The following BAZ1B variants were observed in gnomAD, a reference collection of about 807,000 sequenced individuals.
BAZ1B encodes the protein tyrosine-protein kinase BAZ1B.
Under a neutral mutation model 153.8 loss-of-function variants are expected in BAZ1B, and 22 were observed. The observed-to-expected ratio is 0.14, with a 90% CI of 0.10 to 0.20. The LOEUF (loss-of-function observed/expected upper bound fraction) is 0.20, where lower values mean the gene tolerates loss of function less well. Ranked by LOEUF, BAZ1B falls within the 10% of genes least tolerant of loss-of-function variation. BAZ1B has a pLI of 1.00. For missense variants in BAZ1B, 1,325 were observed against 1,799.3 expected (o/e 0.74, Z 4.77); for synonymous variants, 676 against 633.4 (o/e 1.07, Z -1.01).
At chr7:73,488,691 G>A (rs1554574851) in intron 6 of BAZ1B, among the ~76,000 whole-genome samples, 1 of 150,282 alleles carries the variant, frequency 6.7e-6, no homozygotes, top group Non-Finnish European at 1.5e-5. Context: ...CTCCAGCCTG[G>A]GTGACAGAGC....
intron 7 of BAZ1B, among the ~76,000 whole-genome samples, chr7:73,471,451 G>T (rs1197614865): frequency 1.3e-5 from 2 of 152,086 alleles, no homozygotes; most frequent in African/African-American, 4.8e-5. Flanking sequence ...TTCCATAATT[G>T]TCACAAACCT....
At chr7:73,471,760 C>A (rs1788812084) in intron 7 of BAZ1B, among the ~76,000 whole-genome samples, 1 of 151,928 alleles carries the variant, frequency 6.6e-6, no homozygotes, top group Non-Finnish European at 1.5e-5. Flanking sequence ...AGATAAATTC[C>A]ATTTATTTAA....
intron 2 of BAZ1B, among the ~76,000 whole-genome samples, chr7:73,510,446 A>C (rs1405859312): frequency 1.3e-5 from 2 of 152,198 alleles, no homozygotes; most frequent in Non-Finnish European, 2.9e-5. Flanking sequence ...AAAAGCAAAA[A>C]AGAATAAACC....
intron 16 of BAZ1B, among the ~76,000 whole-genome samples, chr7:73,444,688 A>AT (rs1787757749): frequency 6.6e-6 from 1 of 152,174 alleles, no homozygotes; most frequent in Non-Finnish European, 1.5e-5. Flanking sequence ...AGTCCCCTCC[A>AT]TAAGAGCCCT....
intron 4 of BAZ1B, among the ~76,000 whole-genome samples, chr7:73,494,180 G>A (rs145555517): frequency 0.013 from 1,906 of 152,104 alleles, 42 homozygotes; most frequent in African/African-American, 0.044. Context: ...TCAAGAATTC[G>A]AGACCAGCCT....
chr7:73,441,943 C>A, intron 19 of BAZ1B: 1 of 515,562 alleles, frequency 1.9e-6, no homozygotes, highest in South Asian at 3.0e-5. Flanking sequence ...AAGCTAGACC[C>A]TCGGACTCCT....
chr7:73,468,580 G>A (rs1303816398), intron 9 of BAZ1B, among the ~76,000 whole-genome samples: 1 of 151,914 alleles, frequency 6.6e-6, no homozygotes, highest in Non-Finnish European at 1.5e-5. Context: ...TATATATTCA[G>A]AAAACTATTC....
At chr7:73,508,200 T>G in intron 3 of BAZ1B, 127 bp downstream of exon 3, 1 of 1,067,938 alleles carries the variant, frequency 9.4e-7, no homozygotes, top group Non-Finnish European at 1.3e-6. Flanking sequence ...CGTAAAGTAT[T>G]AATACTTAAC....
chr7:73,503,545 T>C (rs1204104186), intron 3 of BAZ1B, among the ~76,000 whole-genome samples: 12 of 152,022 alleles, frequency 7.9e-5, no homozygotes, highest in African/African-American at 2.9e-4. Flanking sequence ...GGCCAATTTT[T>C]ATTATTTTTT....
intron 1 of BAZ1B, among the ~76,000 whole-genome samples, chr7:73,513,586 AC>A (rs1175529886): frequency 6.6e-6 from 1 of 152,198 alleles, no homozygotes; most frequent in Non-Finnish European, 1.5e-5. Context: ...CTTCCAGAGG[AC>A]ATTATCCCAA....
intron 9 of BAZ1B, among the ~76,000 whole-genome samples, chr7:73,467,107 A>G (rs782292670): frequency 1.3e-5 from 2 of 151,700 alleles, no homozygotes; most frequent in African/African-American, 4.8e-5. Flanking sequence ...TAATTTTTCT[A>G]TTTTTAGTAG....
intron 1 of BAZ1B, among the ~76,000 whole-genome samples, chr7:73,514,693 C>CT (rs1165690847): frequency 1.3e-5 from 2 of 152,086 alleles, no homozygotes; most frequent in Non-Finnish European, 2.9e-5. Flanking sequence ...GTAGTTCCAG[C>CT]TACTCAGGGA....
intron 4 of BAZ1B, 127 bp downstream of exon 4, chr7:73,498,370 T>C (rs2116410878): frequency 1.1e-6 from 1 of 882,246 alleles, no homozygotes; most frequent in Non-Finnish European, 1.8e-6. Flanking sequence ...CTATGAATCA[T>C]AAATGAACAA....
chr7:73,483,790 C>T (rs939784233), intron 6 of BAZ1B, among the ~76,000 whole-genome samples: 13 of 152,064 alleles, frequency 8.5e-5, no homozygotes, highest in African/African-American at 1.4e-4. Flanking sequence ...TAGAGGCACA[C>T]GCCACCACAC....
chr7:73,453,310 G>A (rs373439952), intron 13 of BAZ1B, among the ~76,000 whole-genome samples: 1 of 152,222 alleles, frequency 6.6e-6, no homozygotes, highest in East Asian at 1.9e-4. Flanking sequence ...TTTATGTACT[G>A]TGTCTGGACC....
chr7:73,470,595 T>C lies in BAZ1B; in HGVS notation c.2594-112A>G, dbSNP rs1414952338. 8 of 1,272,566 alleles carry C rather than the reference T, an allele frequency of 6.3e-6. No homozygotes were observed. In the African/African-American group the frequency reaches 1.1e-4, roughly 17 times the overall value. The allele number at this position is 1,272,566 out of a possible 1,614,324, so 78.8% of individuals were successfully genotyped here. On this transcript the variant is annotated intron_variant, in intron 7 of 19. Coordinates refer to ENST00000339594, the MANE Select transcript of BAZ1B (RefSeq NM_032408.4). ...CTAGTATACAGTAGTTATCAAATCT[T>C]AGTTTGCTTTCTCTAATTCTAATCT...
In BAZ1B at chr7:73,446,546, CAAAAAAA is replaced by C. The variant is rs1175189600; in HGVS notation, c.3844+711_3844+717del. 2.9e-4 allele frequency among the ~76,000 whole-genome samples: 12 copies of C among 41,532 alleles called. No individual in the cohort carries two copies. The South Asian group carries it at 8.8e-3, about 31-fold the overall frequency. The allele number at this position is 41,532 out of a possible 152,430, so 27.2% of individuals were successfully genotyped here. A position where few individuals can be genotyped will look rare whatever the true frequency, so the allele number is the denominator to read the frequency against. ...AGCCCAGGCGACAGTGAGACCATCTCAAAAAAAAAAAAAAAAAAAAAAAAGTGTATTT... is the reference window on the plus strand; with the variant it reads ...AGCCCAGGCGACAGTGAGACCATCTCAAAAAAAAAAAAAAAAAGTGTATTT... On this transcript the variant is annotated intron_variant, in intron 16 of 19. Coordinates refer to ENST00000339594, the MANE Select transcript of BAZ1B (RefSeq NM_032408.4).
At chr7:73,494,655 A>T (rs1451160849) in intron 4 of BAZ1B, among the ~76,000 whole-genome samples, 1 of 152,102 alleles carries the variant, frequency 6.6e-6, no homozygotes, top group East Asian at 1.9e-4. Flanking sequence ...AGGCTGAGGC[A>T]GGAGGATCAC....
chr7:73,497,537 C>T (rs1196906492), intron 4 of BAZ1B, among the ~76,000 whole-genome samples: 2 of 152,082 alleles, frequency 1.3e-5, no homozygotes, highest in African/African-American at 4.8e-5. Context: ...CTAGTATCTA[C>T]ATGTATTTTA....
Sources: allele counts gnomAD v4.1 joint callset (sites outside exome capture counted in the v4.1 genomes callset), GRCh38; gene constraint gnomAD v4.1.1; transcripts MANE v1.5; gene names NCBI Gene and HGNC (gene_info 2026-07-23, HGNC 2026-07-21).